Variants in STAT5B observed in about 807,000 individuals in gnomAD.
STAT5B encodes transcription factor STAT5B.
Under a neutral mutation model 107.8 loss-of-function variants are expected in STAT5B, and 21 were observed. The ratio of observed to expected loss-of-function variants is 0.19; its 90% CI spans 0.14 to 0.28. The LOEUF is 0.28. Ranked by LOEUF, STAT5B falls within the 10% of genes least tolerant of loss-of-function variation. The pLI, the probability that STAT5B is intolerant of heterozygous loss-of-function variation, is 1.00. For synonymous variants in STAT5B, 325 were observed against 401.7 expected, an observed-to-expected ratio of 0.81 and a Z score of 2.28; for missense variants, 565 against 1,008.2, an observed-to-expected ratio of 0.56 and a Z score of 5.95.
Position 42,216,123 on chromosome 17 carries a change from G to C in STAT5B, c.1381-17C>G, listed in dbSNP as rs181612947. Reference sequence around the variant, plus strand: ...GGACAGGGTCTAAAAAGACACAAGAGAAGGCTGAGCGCCCACGAGCCTCAA... The same window carrying C: ...GGACAGGGTCTAAAAAGACACAAGACAAGGCTGAGCGCCCACGAGCCTCAA... On this transcript the variant is annotated splice_polypyrimidine_tract_variant and intron_variant, in intron 11 of 18. Transcript: ENST00000293328. 7 of 1,608,698 alleles carry C rather than the reference G, an allele frequency of 4.4e-6. No individual in the cohort carries two copies. In the Admixed American group the frequency reaches 1.0e-4, roughly 23 times the overall value.
At chr17:42,265,654 G>GT (rs1327825699) in intron 1 of STAT5B, among the ~76,000 whole-genome samples, 1 of 151,960 alleles carries the variant, frequency 6.6e-6, no homozygotes, top group Non-Finnish European at 1.5e-5. Context: ...CCCAGCTTGA[G>GT]TATGCACTCT....
intron 1 of STAT5B, chr17:42,235,427 C>G (rs1388943346): frequency 6.6e-6 from 1 of 151,900 alleles, no homozygotes; most frequent in Non-Finnish European, 1.5e-5. Context: ...AACAATATAT[C>G]AGTATGAAAC....
At chr17:42,285,088 T>TC in the STAT5B span, among the ~76,000 whole-genome samples, 4 of 152,032 alleles carry the variant, frequency 2.6e-5, no homozygotes, top group African/African-American at 9.7e-5. Flanking sequence ...TGCTTTTTTT[T>TC]TTTTCTTTTC....
the STAT5B span, among the ~76,000 whole-genome samples, chr17:42,286,587 C>T: frequency 1.1e-4 from 17 of 152,288 alleles, no homozygotes; most frequent in Admixed American, 9.8e-4. Context: ...GAGGTGGCTG[C>T]CTGGAAGAGA....
chr17:42,244,087 CTTTTCTTTTT>C (rs1285006544), intron 1 of STAT5B, among the ~76,000 whole-genome samples: 1 of 139,654 alleles, frequency 7.2e-6, no homozygotes, highest in Non-Finnish European at 1.5e-5. Context: ...TCTTTCTTTT[CTTTTCTTTTT>C]TTTTTTTTGA....
the STAT5B span, among the ~76,000 whole-genome samples, chr17:42,287,313 G>C: frequency 1.3e-5 from 2 of 148,746 alleles, no homozygotes; most frequent in South Asian, 4.3e-4. Context: ...GCTGGGGAGG[G>C]AGGCAGATGA....
chr17:42,250,896 C>A (rs1374145980), intron 1 of STAT5B, among the ~76,000 whole-genome samples: 1 of 149,492 alleles, frequency 6.7e-6, no homozygotes, highest in East Asian at 1.9e-4. Context: ...TGCACTCCAG[C>A]CTGGGTGATA....
At chr17:42,260,549 T>G (rs2080585964) in intron 1 of STAT5B, among the ~76,000 whole-genome samples, 1 of 151,876 alleles carries the variant, frequency 6.6e-6, no homozygotes, top group South Asian at 2.1e-4. Context: ...GCTGGGACTA[T>G]AGGTGCACAT....
intron 1 of STAT5B, among the ~76,000 whole-genome samples, chr17:42,264,191 AC>A (rs1567677926): frequency 2.6e-5 from 4 of 152,020 alleles, no homozygotes; most frequent in African/African-American, 9.7e-5. Flanking sequence ...CTCCTTTTGT[AC>A]AAATCTTTTT....
chr17:42,248,268 T>C (rs1196933258), intron 1 of STAT5B, among the ~76,000 whole-genome samples: 2 of 135,620 alleles, frequency 1.5e-5, no homozygotes, highest in Non-Finnish European at 3.1e-5. Context: ...TTGTAAGATC[T>C]TGTCCAAAAA....
At chr17:42,266,921 A>G (rs1402788285) in intron 1 of STAT5B, among the ~76,000 whole-genome samples, 1 of 152,240 alleles carries the variant, frequency 6.6e-6, no homozygotes, top group East Asian at 1.9e-4. Flanking sequence ...ACTGCAAGAT[A>G]AACTCATTTG....
chr17:42,217,364 C>T lies in STAT5B; in HGVS notation c.1257+13G>A. 6.2e-7 allele frequency: 1 copy of T among 1,614,246 alleles called. No homozygotes were observed. Among genetic ancestry groups the T allele is most frequent in the Non-Finnish European group, 8.5e-7 (1 of 1,180,044 alleles). ...CAGGGAAAAATTCATTCTTCCTCTTCTTCCACCCTCACCATATTCCTGAAG... is the reference window on the plus strand; with the variant it reads ...CAGGGAAAAATTCATTCTTCCTCTTTTTCCACCCTCACCATATTCCTGAAG... On this transcript the variant is annotated intron_variant, in intron 10 of 18. Transcript: ENST00000293328.
chr17:42,261,682 T>C (rs563043783), intron 1 of STAT5B, among the ~76,000 whole-genome samples: 11 of 152,248 alleles, frequency 7.2e-5, no homozygotes, highest in African/African-American at 2.4e-4. Flanking sequence ...CACCTCAGGC[T>C]CCCAAGTAGC....
chr17:42,275,605 T>C (rs889915184), intron 1 of STAT5B: 2 of 152,088 alleles, frequency 1.3e-5, no homozygotes, highest in African/African-American at 4.8e-5. Flanking sequence ...TAACCCTTTA[T>C]CCCTGACTAG....
chr17:42,224,409 G>A lies in STAT5B; in HGVS notation c.375+370C>T, dbSNP rs1163967307. Among the ~76,000 whole-genome samples, 8 of 151,448 alleles carry A rather than the reference G, an allele frequency of 5.3e-5. No individual in the cohort carries two copies. The East Asian group carries it at 1.6e-3, about 29-fold the overall frequency. On this transcript the variant is annotated intron_variant, in intron 4 of 18. Transcript: ENST00000293328. ...CCCATGAGTGCAGGGGTGCGATCAT[G>A]GCTCACTGCAGCCTCTACCTCCTGG...
At position 42,201,707 on chromosome 17, in the gene STAT5B, TGAA is replaced by T. The variant is rs1323146445; in HGVS notation, c.*28_*30del. 17 of 1,326,558 alleles carry T rather than the reference TGAA, an allele frequency of 1.3e-5. No homozygotes were observed. Among genetic ancestry groups the T allele is most frequent in the Non-Finnish European group, 1.9e-5 (17 of 916,924 alleles). The allele number at this position is 1,326,558 out of a possible 1,614,324, so 82.2% of individuals were successfully genotyped here. A position where few individuals can be genotyped will look rare whatever the true frequency, so the allele number is the denominator to read the frequency against. On this transcript the variant is annotated 3_prime_UTR_variant, in exon 19 of 19. Transcript: ENST00000293328. ...ACAAGAGTGATTCCTCTGGTGAAGA[TGAA>T]GAAGCTGAAGATGGAGAGGTCGCGG...
chr17:42,287,332 C>T, the STAT5B span, among the ~76,000 whole-genome samples: 1 of 150,144 alleles, frequency 6.7e-6, no homozygotes, highest in Non-Finnish European at 1.5e-5. Context: ...GAGAATGCAC[C>T]CCCCCCAACA....
intron 1 of STAT5B, among the ~76,000 whole-genome samples, chr17:42,254,692 A>T (rs2080527150): frequency 6.6e-6 from 1 of 152,180 alleles, no homozygotes; most frequent in Non-Finnish European, 1.5e-5. Context: ...AATGAAAAAG[A>T]AAGAAAAAAG....
chr17:42,241,295 G>A (rs1406725473), intron 1 of STAT5B, among the ~76,000 whole-genome samples: 8 of 145,302 alleles, frequency 5.5e-5, no homozygotes, highest in South Asian at 2.1e-4. Context: ...AGCTGAGATC[G>A]CACCATTGCA....
Sources: allele counts gnomAD v4.1 joint callset (sites outside exome capture counted in the v4.1 genomes callset), GRCh38; gene constraint gnomAD v4.1.1; transcripts MANE v1.5; gene names NCBI Gene and HGNC (gene_info 2026-07-23, HGNC 2026-07-21).